The following TBC1D4 variants were observed in gnomAD, a reference collection of about 807,000 sequenced individuals.
TBC1D4 encodes TBC (Tre-2, BUB2, CDC16) domain-containing protein.
TBC1D4 carries 121 observed loss-of-function variants against 142.5 expected under a neutral mutation model. The observed-to-expected ratio is 0.85, with a 90% confidence interval of 0.73 to 0.99. The LOEUF is 0.99. TBC1D4 is among the 50% of genes least tolerant of loss of function. TBC1D4 has a pLI of 0.00. For missense variants in TBC1D4, 1,475 were observed against 1,606.6 expected, an observed-to-expected ratio of 0.92 and a Z score of 1.40; for synonymous variants, 630 against 628.2, an observed-to-expected ratio of 1.00 and a Z score of -0.04.
At chr13:75,480,519 A>G (rs779743677) in intron 1 of TBC1D4, among the ~76,000 whole-genome samples, 4 of 152,212 alleles carry the variant, frequency 2.6e-5, no homozygotes, top group Non-Finnish European at 5.9e-5. Context: ...TAGATTTAGA[A>G]GACTCTGGAA....
Position 75,462,667 on chromosome 13 carries a change from T to C in TBC1D4, c.498+18603A>G, listed in dbSNP as rs114047933. Reference sequence around the variant, plus strand: ...GAGAATCATTACCACCTTGGGCAAATTGGTTTGCTGACAATGTAGCCCAAA... The same window carrying C: ...GAGAATCATTACCACCTTGGGCAAACTGGTTTGCTGACAATGTAGCCCAAA... On this transcript the variant is annotated intron_variant, in intron 1 of 20. Transcript: ENST00000377636. Among the ~76,000 whole-genome samples the C allele has an allele frequency of 4.4e-3, 677 of 152,136 alleles. 10 individuals are homozygous for C. Among genetic ancestry groups the C allele is most frequent in the African/African-American group, 0.016 (658 of 41,484 alleles).
chr13:75,295,113 C>A, intron 17 of TBC1D4, 100 bp from the exon 18 acceptor site: 1 of 1,116,604 alleles, frequency 9.0e-7, no homozygotes, highest in Non-Finnish European at 1.3e-6. Context: ...ATAACAAATT[C>A]ACATATATAA....
intron 1 of TBC1D4, among the ~76,000 whole-genome samples, chr13:75,423,380 C>T (rs569574854): frequency 1.2e-4 from 18 of 152,062 alleles, no homozygotes; most frequent in African/African-American, 4.3e-4. Flanking sequence ...TATTCCAGCA[C>T]TAAAGTTATA....
At chr13:75,341,801 A>T (rs1011885605) in intron 5 of TBC1D4, among the ~76,000 whole-genome samples, 4 of 152,214 alleles carry the variant, frequency 2.6e-5, no homozygotes, top group Admixed American at 2.0e-4. Context: ...AGCCCCCAGT[A>T]GTGATCTTGG....
chr13:75,400,330 G>C (rs1885020355), intron 1 of TBC1D4, among the ~76,000 whole-genome samples: 1 of 151,872 alleles, frequency 6.6e-6, no homozygotes, highest in African/African-American at 2.4e-5. Context: ...TTTTTTGCAT[G>C]AACAACTCTC....
In TBC1D4 at chr13:75,348,020, T is replaced by C. The variant is rs142477388; in HGVS notation, c.1408+1150A>G. On this transcript the variant is annotated intron_variant, in intron 5 of 20. Transcript: ENST00000377636. ...GCTGGGTGTGGTGGCACACACCTGT[T>C]GTCCCAATTACTTGGAAGGCTGAGG... 4.2e-3 allele frequency among the ~76,000 whole-genome samples: 645 copies of C among 152,142 alleles called. 13 individuals are homozygous for C. The South Asian group carries it at 0.054, about 13-fold the overall frequency.
chr13:75,334,501 C>T (rs770274713), intron 8 of TBC1D4, among the ~76,000 whole-genome samples: 6 of 151,752 alleles, frequency 4.0e-5, no homozygotes, highest in Non-Finnish European at 7.4e-5. Flanking sequence ...ATATAAAATT[C>T]ATGATTTTAT....
intron 17 of TBC1D4, 21 bp downstream of exon 17, chr13:75,299,309 C>G: frequency 6.2e-7 from 1 of 1,613,542 alleles, no homozygotes; most frequent in Non-Finnish European, 8.5e-7. Flanking sequence ...ACACCTTCCT[C>G]GGGAAGCACA....
intron 1 of TBC1D4, among the ~76,000 whole-genome samples, chr13:75,444,615 T>C (rs2138212536): frequency 6.6e-6 from 1 of 152,320 alleles, no homozygotes; most frequent in African/African-American, 2.4e-5. Context: ...GAATCCTGGA[T>C]TTAAAACAAC....
chr13:75,362,132 C>G lies in TBC1D4; in HGVS notation c.974G>C (p.Arg325Thr). 6.2e-7 allele frequency: 1 copy of G among 1,613,896 alleles called. No homozygotes were observed. Among genetic ancestry groups the G allele is most frequent in the Non-Finnish European group, 8.5e-7 (1 of 1,180,024 alleles). ...RCSSVTGVQR[R>T]VHEGSQKSQP... ...GGATTTCTGGCTGCCCTCGTGAACTCTCCGTTGCACGCCGGTGACACTGCT... is the reference window on the plus strand; with the variant it reads ...GGATTTCTGGCTGCCCTCGTGAACTGTCCGTTGCACGCCGGTGACACTGCT... The change falls in exon 2 of 21, where the codon AGA (arginine) becomes ACA (threonine). Residue 325 changes from arginine to threonine, a missense_variant. Physicochemically the swap from Arg to Thr is moderately conservative, Grantham distance 71. This residue lies in a region of TBC1D4 where 1,227 missense variants were observed against 1,267.7 expected (regional missense o/e 0.97). Coordinates refer to ENST00000377636, the MANE Select transcript of TBC1D4 (RefSeq NM_014832.5). This position sits in a 1 kb window ranked among gnomAD's most constrained non-coding sequence, Gnocchi z 4.2.
At chr13:75,338,280 A>G (rs1021960749) in intron 7 of TBC1D4, among the ~76,000 whole-genome samples, 1 of 151,876 alleles carries the variant, frequency 6.6e-6, no homozygotes, top group African/African-American at 2.4e-5. Context: ...AAGAAAGGAA[A>G]GGAGAGGAAA....
chr13:75,334,135 T>C (rs992134441), intron 8 of TBC1D4, among the ~76,000 whole-genome samples: 1 of 152,222 alleles, frequency 6.6e-6, no homozygotes, highest in Non-Finnish European at 1.5e-5. Context: ...AAACTTTCAA[T>C]ATATTCATTT....
At chr13:75,303,467 G>A (rs1876803961) in intron 15 of TBC1D4, among the ~76,000 whole-genome samples, 1 of 152,192 alleles carries the variant, frequency 6.6e-6, no homozygotes, top group Admixed American at 6.5e-5. Context: ...ATCACAAGCA[G>A]TTCAAGGACA....
chr13:75,306,508 T>C, intron 14 of TBC1D4, 37 bp from the exon 15 acceptor site: 1 of 1,609,954 alleles, frequency 6.2e-7, no homozygotes, highest in Non-Finnish European at 8.5e-7. Flanking sequence ...ACCAATGTGT[T>C]TTTCAAATGT....
chr13:75,397,086 G>A (rs1022423027), intron 1 of TBC1D4, among the ~76,000 whole-genome samples: 1 of 151,970 alleles, frequency 6.6e-6, no homozygotes, highest in African/African-American at 2.4e-5. Context: ...GATTTCACAG[G>A]TTAATTAGTA....
chr13:75,318,422 T>C (rs952718863), intron 12 of TBC1D4, among the ~76,000 whole-genome samples: 24 of 152,304 alleles, frequency 1.6e-4, no homozygotes, highest in African/African-American at 2.9e-4. Flanking sequence ...TAAATCACAA[T>C]GAATTCAACA....
intron 1 of TBC1D4, among the ~76,000 whole-genome samples, chr13:75,445,106 G>T (rs1887220866): frequency 6.6e-6 from 1 of 152,146 alleles, no homozygotes; most frequent in African/African-American, 2.4e-5. Context: ...TAAAGCCCAT[G>T]CTTTTTCCTC....
chr13:75,478,632 T>C (rs1204099444), intron 1 of TBC1D4, among the ~76,000 whole-genome samples: 1 of 152,140 alleles, frequency 6.6e-6, no homozygotes, highest in Non-Finnish European at 1.5e-5. Flanking sequence ...CCTAGAACTA[T>C]CCACAGCCAA....
At position 75,481,979 on chromosome 13, in the gene TBC1D4, G is replaced by C; in HGVS notation, c.-212C>G. On this transcript the variant is annotated 5_prime_UTR_variant, in exon 1 of 21. Transcript: ENST00000377636. The stretch of plus-strand genomic sequence containing the variant: ...CTCGGAGGCTCCGGCGGCGGGCACC[G>C]AGGCAAGCGCCCGGCAGGCGAGGGC... 1.7e-6 allele frequency: 1 copy of C among 598,970 alleles called. No individual in the cohort carries two copies. 37.1% of individuals were successfully genotyped at this position (598,970 alleles called of 1,614,324 possible). A position where few individuals can be genotyped will look rare whatever the true frequency, so the allele number is the denominator to read the frequency against.
Sources: allele counts gnomAD v4.1 joint callset (sites outside exome capture counted in the v4.1 genomes callset), GRCh38; gene constraint gnomAD v4.1.1; regional missense constraint gnomAD v4.1.1; non-coding constraint Gnocchi (gnomAD v3.1); transcripts MANE v1.5; gene names NCBI Gene and HGNC (gene_info 2026-07-23, HGNC 2026-07-21).